CNTNAP5: variants seen among roughly 807,000 people sequenced by gnomAD.
CNTNAP5 encodes the protein contactin associated protein family member 5, also known as contactin-associated protein-like 5.
Under a neutral mutation model 150.2 loss-of-function variants are expected in CNTNAP5, and 72 were observed. That is an observed-to-expected ratio of 0.48 (90% confidence interval 0.40 to 0.58). The LOEUF (loss-of-function observed/expected upper bound fraction) is 0.58. Among genes scored for constraint, CNTNAP5 ranks in the 20% least tolerant of loss-of-function variants. The pLI, the probability that CNTNAP5 is intolerant of heterozygous loss-of-function variation, is 0.00. For missense variants in CNTNAP5, 1,636 were observed against 1,626.2 expected, an observed-to-expected ratio of 1.01 and a Z score of -0.10; for synonymous variants, 672 against 619.8, an observed-to-expected ratio of 1.08 and a Z score of -1.25.
chr2:124,246,176 CAT>C lies in CNTNAP5; in HGVS notation c.381+3784_381+3785del, dbSNP rs543779489. ...AGCACATCCTGAGGATGGGACAATCCATTCACCAGTACTGAAGAGATTTATTA... is the reference window on the plus strand; with the variant it reads ...AGCACATCCTGAGGATGGGACAATCCTCACCAGTACTGAAGAGATTTATTA... On this transcript the variant is annotated intron_variant, in intron 3 of 23. Coordinates refer to ENST00000682447, the MANE Select transcript of CNTNAP5 (RefSeq NM_001367498.1). Among the ~76,000 whole-genome samples the C allele has an allele frequency of 3.1e-3, 476 of 152,244 alleles. 2 individuals carry two copies. Among genetic ancestry groups the C allele is most frequent in the Middle Eastern group, 6.8e-3 (2 of 294 alleles).
intron 1 of CNTNAP5, among the ~76,000 whole-genome samples, chr2:124,045,869 G>A (rs1681518716): frequency 6.6e-6 from 1 of 152,078 alleles, no homozygotes; most frequent in Non-Finnish European, 1.5e-5. Flanking sequence ...TGCCACATTA[G>A]GACCCTTAAA....
At chr2:124,712,060 T>C (rs1679819431) in intron 13 of CNTNAP5, among the ~76,000 whole-genome samples, 1 of 152,210 alleles carries the variant, frequency 6.6e-6, no homozygotes, top group South Asian at 2.1e-4. Flanking sequence ...TATCCTTTTA[T>C]GTCTTATTGG....
intron 3 of CNTNAP5, among the ~76,000 whole-genome samples, chr2:124,348,122 A>G (rs546065736): frequency 1.3e-5 from 2 of 152,208 alleles, no homozygotes; most frequent in Admixed American, 1.3e-4. Flanking sequence ...TACTCATACT[A>G]TCTCCACAAT....
chr2:124,786,555 A>G (rs1681601925), intron 17 of CNTNAP5, among the ~76,000 whole-genome samples: 1 of 151,772 alleles, frequency 6.6e-6, no homozygotes, highest in Non-Finnish European at 1.5e-5. Flanking sequence ...AAAGGAAAGA[A>G]AGAAAGAAGA....
At chr2:124,240,897 A>C (rs1247242354) in intron 2 of CNTNAP5, among the ~76,000 whole-genome samples, 1 of 152,208 alleles carries the variant, frequency 6.6e-6, no homozygotes, top group Non-Finnish European at 1.5e-5. Flanking sequence ...TCAGTTACCA[A>C]GGAGATGTCC....
chr2:124,792,662 T>C (rs777101072), intron 18 of CNTNAP5, among the ~76,000 whole-genome samples: 5 of 152,168 alleles, frequency 3.3e-5, no homozygotes, highest in Non-Finnish European at 5.9e-5. Context: ...AGAAATTCCA[T>C]GTCATTAGCA....
intron 2 of CNTNAP5, among the ~76,000 whole-genome samples, chr2:124,223,757 C>T (rs368068266): frequency 9.2e-5 from 14 of 151,500 alleles, no homozygotes; most frequent in East Asian, 2.0e-4. Flanking sequence ...TTCGGCTCAC[C>T]GGGGAATTTG....
chr2:124,865,349 T>C lies in CNTNAP5; in HGVS notation c.3261T>C (p.His1087=), dbSNP rs1257842270. 2 of 1,564,940 alleles carry C rather than the reference T, an allele frequency of 1.3e-6. No individual in the cohort carries two copies. The highest frequency in any genetic ancestry group is 1.7e-6 in the Non-Finnish European group (2 of 1,153,090). ...VRYHLNKEET[H]VFTIDADNFA... ...ATCACCTAAACAAGGAAGAAACCCA[T>C]GTATTCACCATTGATGCAGATAACT... The change falls in exon 20 of 24, where the codon CAT becomes CAC. Residue 1087 remains histidine, a synonymous_variant. Transcript: ENST00000682447.
At position 124,647,745 on chromosome 2, in the gene CNTNAP5, G is replaced by A. The variant is rs1441328129; in HGVS notation, c.1877-13G>A. 1.9e-6 allele frequency: 3 copies of A among 1,574,824 alleles called. No homozygotes were observed. Among genetic ancestry groups the A allele is most frequent in the Admixed American group, 1.8e-5 (1 of 56,942 alleles). On this transcript the variant is annotated splice_polypyrimidine_tract_variant and intron_variant, in intron 12 of 23. Transcript: ENST00000682447. ...TCTAACGTCTCTTGCTTTGTGTTGTGTTGTCTGGGCAGAGGACAAGATCTG... is the reference window on the plus strand; with the variant it reads ...TCTAACGTCTCTTGCTTTGTGTTGTATTGTCTGGGCAGAGGACAAGATCTG...
intron 19 of CNTNAP5, among the ~76,000 whole-genome samples, chr2:124,858,666 A>G (rs566599231): frequency 7.2e-5 from 11 of 152,336 alleles, no homozygotes; most frequent in African/African-American, 2.6e-4. Flanking sequence ...AGTATTTGCA[A>G]GCCTCATGGA....
intron 10 of CNTNAP5, among the ~76,000 whole-genome samples, chr2:124,540,647 T>G (rs1426285951): frequency 6.6e-6 from 1 of 151,956 alleles, no homozygotes; most frequent in African/African-American, 2.4e-5. Context: ...CTTCCTTGGA[T>G]CAGGAATCTG....
intron 11 of CNTNAP5, among the ~76,000 whole-genome samples, chr2:124,571,384 A>G (rs936685083): frequency 2.0e-5 from 3 of 152,120 alleles, no homozygotes; most frequent in African/African-American, 7.2e-5. Context: ...GATACAATCA[A>G]GAAGGAATGA....
chr2:124,106,861 T>C (rs544854505), intron 1 of CNTNAP5, among the ~76,000 whole-genome samples: 2 of 152,106 alleles, frequency 1.3e-5, no homozygotes, highest in African/African-American at 4.8e-5. Context: ...CTGTGGGATC[T>C]GACACTGACT....
rs760585654 is a variant in CNTNAP5 at position 124,527,432 on chromosome 2, T to A, written c.1625T>A (p.Ile542Asn). Reference protein sequence around the residue: ...GSLGNFSDLHIDLCSIKDRCL... With the variant: ...GSLGNFSDLHNDLCSIKDRCL... ...CTGGGGAATTTTAGTGATTTACACATTGATCTGTGTAGCATCAAAGACAGG... is the reference window on the plus strand; with the variant it reads ...CTGGGGAATTTTAGTGATTTACACAATGATCTGTGTAGCATCAAAGACAGG... The change falls in exon 10 of 24, where the codon ATT becomes AAT. Residue 542 changes from isoleucine (I) to asparagine (N), a missense_variant. Transcript: ENST00000682447. 11 of 1,613,462 alleles carry A rather than the reference T, an allele frequency of 6.8e-6. No individual in the cohort carries two copies. Among genetic ancestry groups the A allele is most frequent in the Non-Finnish European group, 9.3e-6 (11 of 1,179,452 alleles).
intron 2 of CNTNAP5, among the ~76,000 whole-genome samples, chr2:124,240,704 G>T (rs907929991): frequency 1.3e-5 from 2 of 151,796 alleles, no homozygotes; most frequent in Non-Finnish European, 2.9e-5. Context: ...AACAAAATCT[G>T]CTAAGGGCTA....
At position 124,120,371 on chromosome 2, in the gene CNTNAP5, G is replaced by A. The variant is rs565027423; in HGVS notation, c.82+94639G>A. Among the ~76,000 whole-genome samples the A allele has an allele frequency of 1.1e-4, 16 of 152,298 alleles. No individual in the cohort carries two copies. The South Asian group carries it at 2.5e-3, about 24-fold the overall frequency. On this transcript the variant is annotated intron_variant, in intron 1 of 23. Transcript: ENST00000682447. ...CAAAGGTGAGCCAGAGAGAACTTTT[G>A]CATCTTTGGTGCATGAAGTAGCAAG...
chr2:124,311,600 T>C (rs573818039), intron 3 of CNTNAP5, among the ~76,000 whole-genome samples: 2 of 152,324 alleles, frequency 1.3e-5, no homozygotes, highest in Admixed American at 6.5e-5. Context: ...TCCATTCAAT[T>C]TGAAGCTCAA....
intron 14 of CNTNAP5, among the ~76,000 whole-genome samples, chr2:124,761,036 C>G (rs534534815): frequency 3.3e-4 from 51 of 152,252 alleles, no homozygotes; most frequent in African/African-American, 1.2e-3. Context: ...ACACAATCAT[C>G]TCTCAACTGT....
intron 3 of CNTNAP5, among the ~76,000 whole-genome samples, chr2:124,411,046 A>T (rs919445969): frequency 6.6e-6 from 1 of 152,246 alleles, no homozygotes; most frequent in African/African-American, 2.4e-5. Flanking sequence ...GATAAAGGGG[A>T]TATCACTGCC....
Sources: gnomAD v4.1 joint callset for allele counts (sites outside exome capture counted in the v4.1 genomes callset) on GRCh38, gnomAD v4.1.1 for gene constraint, MANE v1.5 for transcripts, NCBI Gene and HGNC (gene_info 2026-07-23, HGNC 2026-07-21) for gene names.